The following TSHR variants were observed in gnomAD, a reference collection of about 807,000 sequenced individuals.
TSHR encodes the protein thyroid stimulating hormone receptor.
TSHR carries 51 observed loss-of-function variants against 64.1 expected under a neutral mutation model. The observed-to-expected ratio is 0.80, with a 90% confidence interval of 0.64 to 1.01. The LOEUF is 1.01. Ranked by LOEUF, TSHR falls within the 50% of genes least tolerant of loss-of-function variation. The pLI, the probability that TSHR is intolerant of heterozygous loss-of-function variation, is 0.00. For missense variants in TSHR, 877 were observed against 942.8 expected (o/e 0.93, Z 0.91); for synonymous variants, 361 against 361.9 (o/e 1.00, Z 0.03).
chr14:81,069,911 CA>C (rs1421684982), intron 3 of TSHR, among the ~76,000 whole-genome samples: 2 of 151,982 alleles, frequency 1.3e-5, no homozygotes, highest in East Asian at 3.9e-4. Flanking sequence ...ATTTAAATGG[CA>C]AGAGAAAATT....
At chr14:80,957,108 G>A (rs1886736173) in intron 1 of TSHR, among the ~76,000 whole-genome samples, 1 of 152,052 alleles carries the variant, frequency 6.6e-6, no homozygotes, top group African/African-American at 2.4e-5. Flanking sequence ...CTTCCCCAAA[G>A]GTCCCTGCTG....
intron 1 of TSHR, among the ~76,000 whole-genome samples, chr14:81,016,172 T>C (rs1424413033): frequency 2.0e-5 from 3 of 152,206 alleles, no homozygotes; most frequent in Non-Finnish European, 2.9e-5. Context: ...ATGGTGGCTC[T>C]ATTTTTAAGT....
chr14:81,130,546 G>C (rs1246843536), intron 8 of TSHR, among the ~76,000 whole-genome samples: 1 of 151,974 alleles, frequency 6.6e-6, no homozygotes. Flanking sequence ...TAATGTTGGA[G>C]TGCCCCAGGC....
At chr14:81,088,062 TG>T (rs957188499) in intron 4 of TSHR, 34 bp downstream of exon 4, 2 of 1,521,440 alleles carry the variant, frequency 1.3e-6, no homozygotes, top group Non-Finnish European at 1.8e-6. Flanking sequence ...CCTACTTTTC[TG>T]GGGGGAGGGG....
chr14:81,033,158 G>A, intron 1 of TSHR: 1 of 398,638 alleles, frequency 2.5e-6, no homozygotes, highest in Non-Finnish European at 4.9e-6. Flanking sequence ...AAACACTGGA[G>A]CAACATTCAT....
At chr14:80,984,091 G>A (rs572320297) in intron 1 of TSHR, among the ~76,000 whole-genome samples, 33 of 152,224 alleles carry the variant, frequency 2.2e-4, no homozygotes, top group Non-Finnish European at 3.5e-4. Flanking sequence ...GAGTGTGCAC[G>A]TGTATACCCA....
intron 1 of TSHR, among the ~76,000 whole-genome samples, chr14:81,005,209 GT>G (rs1889533582): frequency 1.9e-4 from 1 of 5,344 alleles, no homozygotes; most frequent in Admixed American, 4.0e-3. Context: ...GTGTGTGTGT[GT>G]GTGTGTGTGT....
chr14:80,996,199 G>A (rs554178873), intron 1 of TSHR, among the ~76,000 whole-genome samples: 5 of 152,160 alleles, frequency 3.3e-5, no homozygotes, highest in Admixed American at 1.3e-4. Context: ...TGCATGAGCC[G>A]TAACCGGATC....
intron 1 of TSHR, among the ~76,000 whole-genome samples, chr14:81,020,029 C>T (rs973592436): frequency 2.0e-5 from 3 of 152,094 alleles, no homozygotes; most frequent in Non-Finnish European, 4.4e-5. Flanking sequence ...CTTGAGGAAT[C>T]GCCACACTGT....
At chr14:81,069,953 T>C (rs927783059) in intron 3 of TSHR, among the ~76,000 whole-genome samples, 6 of 152,044 alleles carry the variant, frequency 3.9e-5, no homozygotes, top group Non-Finnish European at 5.9e-5. Context: ...ATAAGAAGGA[T>C]CAGTTGTAAA....
chr14:80,971,933 A>G (rs1160148227), intron 1 of TSHR, among the ~76,000 whole-genome samples: 1 of 152,212 alleles, frequency 6.6e-6, no homozygotes, highest in Non-Finnish European at 1.5e-5. Flanking sequence ...CTTTTAATCA[A>G]TGAATTCCTG....
chr14:81,051,003 G>C (rs1041019533), intron 1 of TSHR: 1 of 152,478 alleles, frequency 6.6e-6, no homozygotes, highest in Non-Finnish European at 1.5e-5. Context: ...AGCATGCAAT[G>C]CTGTTTGATA....
chr14:81,103,495 A>T lies in TSHR; in HGVS notation c.615-4880A>T, dbSNP rs990777064. On this transcript the variant is annotated intron_variant, in intron 7 of 9. Transcript: ENST00000298171. The surrounding 1 kb of genome is among the most constrained non-coding windows in gnomAD (Gnocchi z 4.1). ...ATTTTTTAAAATGTAACTGAATAAT[A>T]CAATTACAGCCAAGCTGGACAAATT... The T allele has an allele frequency of 1.9e-5, 19 of 985,456 alleles. No individual in the cohort carries two copies. Among genetic ancestry groups the T allele is most frequent in the Non-Finnish European group, 2.3e-5 (19 of 829,934 alleles). 61.0% of individuals were successfully genotyped at this position (985,456 alleles called of 1,614,324 possible).
chr14:81,116,497 T>C (rs1363713520), intron 8 of TSHR, among the ~76,000 whole-genome samples: 10 of 129,868 alleles, frequency 7.7e-5, no homozygotes, highest in African/African-American at 3.2e-4. Flanking sequence ...TAAATATATA[T>C]GCACCCAATA....
chr14:80,982,724 A>G, intron 1 of TSHR: 3 of 833,960 alleles, frequency 3.6e-6, no homozygotes, highest in Non-Finnish European at 5.3e-6. Flanking sequence ...CCTCCTTCAT[A>G]TATTGTTTTG....
At position 81,131,504 on chromosome 14, in the gene TSHR, G is replaced by A. The variant is rs544239097; in HGVS notation, c.693-8175G>A. 1.2e-4 allele frequency among the ~76,000 whole-genome samples: 18 copies of A among 152,180 alleles called. 1 individual carries two copies. In the South Asian group the frequency reaches 3.5e-3, roughly 30 times the overall value. On this transcript the variant is annotated intron_variant, in intron 8 of 9. Coordinates refer to ENST00000298171, the MANE Select transcript of TSHR (RefSeq NM_000369.5). ...AGCCTACAAGGCCACACATGATCTG[G>A]CTCCCAATACGTCCGCTGACTTCTC...
chr14:81,055,607 C>G (rs997997111), intron 1 of TSHR, among the ~76,000 whole-genome samples: 40 of 152,306 alleles, frequency 2.6e-4, no homozygotes, highest in African/African-American at 9.6e-4. Context: ...ACCCTTGCAT[C>G]AGTGTGACCT....
chr14:80,969,355 A>G (rs1482269562), intron 1 of TSHR, among the ~76,000 whole-genome samples: 1 of 152,342 alleles, frequency 6.6e-6, no homozygotes, highest in African/African-American at 2.4e-5. Context: ...ATACTGGTAG[A>G]TCAGGTATTT....
chr14:81,132,302 G>T (rs1012226809), intron 8 of TSHR, among the ~76,000 whole-genome samples: 1 of 152,130 alleles, frequency 6.6e-6, no homozygotes, highest in Non-Finnish European at 1.5e-5. Context: ...AAGCCAATTA[G>T]TGCTTCTTTA....
Sources: gnomAD v4.1 joint callset for allele counts (sites outside exome capture counted in the v4.1 genomes callset) on GRCh38, gnomAD v4.1.1 for gene constraint, Gnocchi (gnomAD v3.1) non-coding constraint, MANE v1.5 for transcripts, NCBI Gene and HGNC (gene_info 2026-07-23, HGNC 2026-07-21) for gene names.